SLC4A4: variants seen among roughly 807,000 people sequenced by gnomAD.
SLC4A4 encodes solute carrier family 4 member 4.
A neutral mutation model predicts 111.5 loss-of-function variants in SLC4A4; 27 were observed. The ratio of observed to expected loss-of-function variants is 0.24; its 90% CI spans 0.18 to 0.33. The LOEUF (loss-of-function observed/expected upper bound fraction) is 0.33, where lower values mean the gene tolerates loss of function less well. Ranked by LOEUF, SLC4A4 falls within the 10% of genes least tolerant of loss-of-function variation. The pLI, the probability that SLC4A4 is intolerant of heterozygous loss-of-function variation, is 1.00. For synonymous variants in SLC4A4, 443 were observed against 463.4 expected, an observed-to-expected ratio of 0.96 and a Z score of 0.57; for missense variants, 909 against 1,315.5, an observed-to-expected ratio of 0.69 and a Z score of 4.78.
intron 3 of SLC4A4, among the ~76,000 whole-genome samples, chr4:71,328,131 C>G (rs1275822181): frequency 6.6e-6 from 1 of 152,110 alleles, no homozygotes; most frequent in Non-Finnish European, 1.5e-5. Flanking sequence ...CCAGTTCCAT[C>G]CATCTTATTG....
rs535800929 is a variant in SLC4A4, at chr4:71,152,974, T to C, written c.-2+60182T>C. On this transcript the variant is annotated intron_variant, in intron 2 of 26. Transcript: ENST00000649996. ...ATATATGTGTGTGTGTGTATATATATGTAAATATATATGTGTATATATAAA... is the reference window on the plus strand; with the variant it reads ...ATATATGTGTGTGTGTGTATATATACGTAAATATATATGTGTATATATAAA... 5.5e-3 allele frequency among the ~76,000 whole-genome samples: 767 copies of C among 139,118 alleles called. 3 individuals are homozygous for C. The highest frequency in any genetic ancestry group is 8.9e-3 in the Non-Finnish European group (584 of 65,702). The allele number at this position is 139,118 out of a possible 152,430, so 91.3% of individuals were successfully genotyped here. A position where few individuals can be genotyped will look rare whatever the true frequency, so the allele number is the denominator to read the frequency against.
intron 6 of SLC4A4, among the ~76,000 whole-genome samples, chr4:71,373,517 G>C (rs1378107968): frequency 6.6e-6 from 1 of 152,140 alleles, no homozygotes; most frequent in African/African-American, 2.4e-5. Flanking sequence ...ATGTTGTTGA[G>C]AAAGTATAAA....
At chr4:71,468,348 G>A (rs1296067108) in intron 13 of SLC4A4, among the ~76,000 whole-genome samples, 1 of 152,032 alleles carries the variant, frequency 6.6e-6, no homozygotes, top group Non-Finnish European at 1.5e-5. Context: ...AGATTTATTG[G>A]ATGAAATGTG....
At chr4:71,201,680 A>G (rs935794510) in intron 1 of SLC4A4, among the ~76,000 whole-genome samples, 10 of 152,122 alleles carry the variant, frequency 6.6e-5, no homozygotes, top group Admixed American at 2.0e-4. Flanking sequence ...CCCTACCTCT[A>G]TTATAGTGTG....
intron 2 of SLC4A4, among the ~76,000 whole-genome samples, chr4:71,254,093 C>T (rs940578288): frequency 3.9e-5 from 6 of 152,012 alleles, no homozygotes; most frequent in African/African-American, 1.5e-4. Context: ...CATGTAGGTA[C>T]GTGATATTGG....
chr4:71,315,658 G>A (rs1726621595), intron 3 of SLC4A4, among the ~76,000 whole-genome samples: 1 of 152,038 alleles, frequency 6.6e-6, no homozygotes, highest in African/African-American at 2.4e-5. Context: ...TTATAATAAG[G>A]TAAACCTAGA....
chr4:71,089,505 GT>G (rs1296315344), intron 1 of SLC4A4, among the ~76,000 whole-genome samples: 4 of 151,970 alleles, frequency 2.6e-5, no homozygotes, highest in Admixed American at 6.6e-5. Context: ...TTTCTGCTCT[GT>G]TTTTTCCCCA....
chr4:71,282,057 C>T (rs565472253), intron 3 of SLC4A4, among the ~76,000 whole-genome samples: 1 of 151,386 alleles, frequency 6.6e-6, no homozygotes, highest in African/African-American at 2.4e-5. Flanking sequence ...AGAACATTTA[C>T]TTCTTTTTAG....
At chr4:71,542,007 G>T (rs1735113143) in intron 18 of SLC4A4, among the ~76,000 whole-genome samples, 1 of 151,950 alleles carries the variant, frequency 6.6e-6, no homozygotes, top group South Asian at 2.1e-4. Context: ...CTTAGAAGTG[G>T]CTTGTTTTTA....
intron 1 of SLC4A4, among the ~76,000 whole-genome samples, chr4:71,087,836 G>A (rs13123664): frequency 0.35 from 53,152 of 151,654 alleles, 10,115 homozygotes; most frequent in African/African-American, 0.5. Context: ...TATGTGGTCA[G>A]TTTTGGAATA....
chr4:71,564,074 A>T (rs1489790090), intron 24 of SLC4A4, among the ~76,000 whole-genome samples, 185 bp downstream of exon 24: 5 of 151,844 alleles, frequency 3.3e-5, no homozygotes, highest in Admixed American at 3.3e-4. Flanking sequence ...TCTTCCTTTT[A>T]TCCATAAACT....
At chr4:71,175,451 A>G (rs2602083) in intron 2 of SLC4A4, among the ~76,000 whole-genome samples, 27,647 of 152,236 alleles carry the variant, frequency 0.18, 5,655 homozygotes, top group African/African-American at 0.5. Flanking sequence ...GTGACAGATG[A>G]CACCTGGAAA....
chr4:71,488,221 A>G (rs1384013299), intron 15 of SLC4A4, among the ~76,000 whole-genome samples: 1 of 151,256 alleles, frequency 6.6e-6, no homozygotes, highest in Non-Finnish European at 1.5e-5. Flanking sequence ...TATTAGTGAA[A>G]CACTCACTTC....
intron 7 of SLC4A4, chr4:71,437,274 A>G: frequency 2.7e-6 from 1 of 367,612 alleles, no homozygotes. Context: ...AGAAACGGAA[A>G]TGGGGAGTGT....
At chr4:71,225,630 A>C (rs1718998964) in intron 1 of SLC4A4, among the ~76,000 whole-genome samples, 1 of 152,148 alleles carries the variant, frequency 6.6e-6, no homozygotes, top group African/African-American at 2.4e-5. Context: ...AGAGGTAGGA[A>C]GGTTTGCCTA....
chr4:71,064,827 G>C (rs1056477374), intron 1 of SLC4A4, among the ~76,000 whole-genome samples: 4 of 152,190 alleles, frequency 2.6e-5, no homozygotes, highest in Non-Finnish European at 5.9e-5. Context: ...CCACTTGCTA[G>C]CTATCTAATC....
chr4:71,527,615 G>A (rs1420962827), intron 16 of SLC4A4, among the ~76,000 whole-genome samples: 2 of 151,810 alleles, frequency 1.3e-5, no homozygotes, highest in Non-Finnish European at 2.9e-5. Context: ...AGGGCCAGAG[G>A]TATAGGTCCT....
At chr4:71,395,731 T>C (rs557014605) in intron 6 of SLC4A4, among the ~76,000 whole-genome samples, 7 of 152,324 alleles carry the variant, frequency 4.6e-5, no homozygotes, top group African/African-American at 7.2e-5. Flanking sequence ...TCAATGACTT[T>C]AGGCTATTGG....
intron 11 of SLC4A4, 114 bp from the exon 12 acceptor site, chr4:71,453,381 G>A (rs930834470): frequency 1.9e-6 from 2 of 1,054,530 alleles, no homozygotes; most frequent in Non-Finnish European, 3.0e-6. Flanking sequence ...GTAGTATCTT[G>A]TCACTGATTC....
Sources: gnomAD v4.1 joint callset for allele counts (sites outside exome capture counted in the v4.1 genomes callset) on GRCh38, gnomAD v4.1.1 for gene constraint, MANE v1.5 for transcripts, NCBI Gene and HGNC (gene_info 2026-07-23, HGNC 2026-07-21) for gene names.